SYT1: variants seen among roughly 807,000 people sequenced by gnomAD.
The protein encoded by SYT1 is synaptotagmin 1, also known as synaptotagmin-1.
Under a neutral mutation model 44.8 loss-of-function variants are expected in SYT1, and 8 were observed. That is an observed-to-expected ratio of 0.18 (90% CI 0.10 to 0.32). The LOEUF (loss-of-function observed/expected upper bound fraction) is 0.32, where lower values mean the gene tolerates loss of function less well. Among genes scored for constraint, SYT1 ranks in the 10% least tolerant of loss-of-function variants. The pLI is 1.00. For synonymous variants in SYT1, 154 were observed against 188.8 expected, an observed-to-expected ratio of 0.82 and a Z score of 1.51; for missense variants, 286 against 509.3, an observed-to-expected ratio of 0.56 and a Z score of 4.22.
At chr12:79,310,900 T>C (rs1157389577) in intron 8 of SYT1, among the ~76,000 whole-genome samples, 1 of 152,216 alleles carries the variant, frequency 6.6e-6, no homozygotes, top group Non-Finnish European at 1.5e-5. Flanking sequence ...GCTTATCAGC[T>C]GAAGGAGATT....
intron 4 of SYT1, among the ~76,000 whole-genome samples, chr12:79,265,697 T>A (rs1878087327): frequency 6.6e-6 from 1 of 152,144 alleles, no homozygotes; most frequent in Non-Finnish European, 1.5e-5. Context: ...ATGAAGATAA[T>A]GTTAGCTACT....
chr12:78,886,526 A>G (rs574529688), intron 1 of SYT1, among the ~76,000 whole-genome samples: 1 of 152,120 alleles, frequency 6.6e-6, no homozygotes, highest in South Asian at 2.1e-4. Context: ...TTATAGACAA[A>G]TACATAGCAA....
intron 1 of SYT1, among the ~76,000 whole-genome samples, chr12:78,876,866 A>ATATGTATT (rs1565697808): frequency 7.8e-5 from 1 of 12,898 alleles, no homozygotes; most frequent in African/African-American, 2.0e-4. Flanking sequence ...TAATATATAT[A>ATATGTATT]ATATATTATA....
At chr12:78,911,882 A>G (rs1339766518) in intron 1 of SYT1, among the ~76,000 whole-genome samples, 4 of 151,988 alleles carry the variant, frequency 2.6e-5, no homozygotes, top group Non-Finnish European at 2.9e-5. Flanking sequence ...CATTGGGACT[A>G]CCTACTTTGT....
intron 4 of SYT1, among the ~76,000 whole-genome samples, chr12:79,269,681 A>C (rs1878317228): frequency 6.6e-6 from 1 of 151,956 alleles, no homozygotes; most frequent in African/African-American, 2.4e-5. Context: ...CATATTACCA[A>C]CTGTATGAAA....
At chr12:78,866,409 A>G (rs1873546527) in intron 1 of SYT1, among the ~76,000 whole-genome samples, 2 of 152,210 alleles carry the variant, frequency 1.3e-5, no homozygotes, top group African/African-American at 4.8e-5. Flanking sequence ...CCTAAATTTT[A>G]AAAATCCTGA....
chr12:79,410,453 C>T (rs1036293289), intron 9 of SYT1, among the ~76,000 whole-genome samples: 1 of 146,492 alleles, frequency 6.8e-6, no homozygotes, highest in Admixed American at 6.9e-5. Flanking sequence ...CTCTCTTTTC[C>T]ACTTATCACT....
At chr12:79,059,877 A>C (rs1402463878) in intron 3 of SYT1, among the ~76,000 whole-genome samples, 1 of 152,094 alleles carries the variant, frequency 6.6e-6, no homozygotes, top group Non-Finnish European at 1.5e-5. Flanking sequence ...ATATTTCATA[A>C]ATGAGGAGAC....
intron 1 of SYT1, among the ~76,000 whole-genome samples, chr12:78,946,026 A>G (rs1258402191): frequency 1.3e-5 from 2 of 152,204 alleles, no homozygotes; most frequent in Admixed American, 6.5e-5. Context: ...TCTTTCAAGC[A>G]GTAACATCCA....
chr12:79,041,097 G>A (rs1873531397), intron 2 of SYT1, among the ~76,000 whole-genome samples: 1 of 152,088 alleles, frequency 6.6e-6, no homozygotes, highest in South Asian at 2.1e-4. Context: ...AGATTGACTT[G>A]GCAATGCGGG....
In SYT1 at chr12:79,409,457, C is replaced by T. The variant is rs565325296; in HGVS notation, c.929-34616C>T. 7.9e-5 allele frequency among the ~76,000 whole-genome samples: 12 copies of T among 152,082 alleles called. No homozygotes were observed. The South Asian group carries it at 2.3e-3, about 29-fold the overall frequency. On this transcript the variant is annotated intron_variant, in intron 9 of 10. Transcript: ENST00000261205. ...TGCAACTGCACAAAATTTTTGATAT[C>T]GTTAATAAGGCAAAGATATATTACT... is the stretch of plus-strand genomic sequence containing the variant.
chr12:79,418,175 A>C (rs533704456), intron 9 of SYT1, among the ~76,000 whole-genome samples: 1 of 152,214 alleles, frequency 6.6e-6, no homozygotes, highest in East Asian at 1.9e-4. Context: ...GGGCTGGAAC[A>C]GTGACTGCTG....
At chr12:79,097,933 T>G (rs1878233937) in intron 3 of SYT1, among the ~76,000 whole-genome samples, 1 of 151,986 alleles carries the variant, frequency 6.6e-6, no homozygotes, top group Non-Finnish European at 1.5e-5. Context: ...AGCATGCATA[T>G]TACTCACACA....
chr12:79,214,364 T>C (rs1159058340), intron 3 of SYT1, among the ~76,000 whole-genome samples: 1 of 152,226 alleles, frequency 6.6e-6, no homozygotes, highest in African/African-American at 2.4e-5. Context: ...AAGGGTATTT[T>C]ATGTCTATAG....
intron 8 of SYT1, among the ~76,000 whole-genome samples, chr12:79,313,415 G>A (rs573751955): frequency 6.6e-6 from 1 of 152,236 alleles, no homozygotes; most frequent in South Asian, 2.1e-4. Flanking sequence ...GTATTTGAGG[G>A]AGGATCTTTT....
chr12:79,243,461 T>C (rs565902378), intron 4 of SYT1, among the ~76,000 whole-genome samples: 1 of 152,286 alleles, frequency 6.6e-6, no homozygotes, highest in South Asian at 2.1e-4. Context: ...TGTATTAAAA[T>C]AAATTCTAAA....
At chr12:79,442,661 A>G (rs527699526) in intron 9 of SYT1, among the ~76,000 whole-genome samples, 74 of 152,320 alleles carry the variant, frequency 4.9e-4, no homozygotes, top group Non-Finnish European at 9.3e-4. Flanking sequence ...AAATTCAAAT[A>G]GTGAATATGA....
intron 2 of SYT1, among the ~76,000 whole-genome samples, chr12:79,000,710 G>T (rs1025158695): frequency 3.3e-5 from 5 of 152,132 alleles, no homozygotes; most frequent in Admixed American, 2.0e-4. Flanking sequence ...TCCTAATGGT[G>T]CCTTAGTCAT....
At chr12:78,938,375 A>G (rs1878176950) in intron 1 of SYT1, among the ~76,000 whole-genome samples, 1 of 152,180 alleles carries the variant, frequency 6.6e-6, no homozygotes, top group South Asian at 2.1e-4. Flanking sequence ...TGGAATAGAA[A>G]TTGAGAAATG....
Sources: gnomAD v4.1 joint callset for allele counts (sites outside exome capture counted in the v4.1 genomes callset) on GRCh38, gnomAD v4.1.1 for gene constraint, MANE v1.5 for transcripts, NCBI Gene and HGNC (gene_info 2026-07-23, HGNC 2026-07-21) for gene names.